Variants in IFNGR2 observed in about 807,000 individuals in gnomAD.
IFNGR2 encodes the protein IFN-gamma receptor 2.
A neutral mutation model predicts 41.1 loss-of-function variants in IFNGR2; 15 were observed. That is an observed-to-expected ratio of 0.37 (90% CI 0.24 to 0.56). The LOEUF (loss-of-function observed/expected upper bound fraction) is 0.56. Among genes scored for constraint, IFNGR2 ranks in the 20% least tolerant of loss-of-function variants. The pLI is 0.81. For missense variants in IFNGR2, 362 were observed against 415.7 expected (o/e 0.87, Z 1.12); for synonymous variants, 161 against 171.6 (o/e 0.94, Z 0.48).
intron 6 of IFNGR2, among the ~76,000 whole-genome samples, chr21:33,435,836 T>C (rs1263340677): frequency 3.3e-5 from 4 of 119,644 alleles, no homozygotes; most frequent in Admixed American, 2.4e-4. Context: ...TGAGCTGAGA[T>C]CCACGCCACT....
intron 3 of IFNGR2, among the ~76,000 whole-genome samples, chr21:33,423,551 C>T (rs551997055): frequency 1.3e-5 from 2 of 151,758 alleles, no homozygotes; most frequent in East Asian, 2.0e-4. Context: ...TACAGGTGCA[C>T]GCCACTATGC....
intron 2 of IFNGR2, among the ~76,000 whole-genome samples, chr21:33,421,165 C>G (rs2083788615): frequency 6.6e-6 from 1 of 152,102 alleles, no homozygotes; most frequent in Non-Finnish European, 1.5e-5. Flanking sequence ...CACCCCATCT[C>G]TACTAAAAAT....
chr21:33,403,482 G>A lies in IFNGR2; in HGVS notation c.-62G>A. ...GGCGGTTTGGGCGGCGACGTGAGCG[G>A]CTCCGCGGACCCCGAGCGGGGCCCC... is the stretch of plus-strand genomic sequence containing the variant. On this transcript the variant is annotated 5_prime_UTR_variant, in exon 1 of 7. Coordinates refer to ENST00000290219, the MANE Select transcript of IFNGR2 (RefSeq NM_005534.4). 9.5e-7 allele frequency: 1 copy of A among 1,047,954 alleles called. No individual in the cohort carries two copies. The highest frequency in any genetic ancestry group is 1.2e-6 in the Non-Finnish European group (1 of 852,682). 64.9% of individuals were successfully genotyped at this position (1,047,954 alleles called of 1,614,324 possible). A position where few individuals can be genotyped will look rare whatever the true frequency, so the allele number is the denominator to read the frequency against.
At chr21:33,404,676 G>A (rs1568948001) in intron 1 of IFNGR2, among the ~76,000 whole-genome samples, 1 of 152,048 alleles carries the variant, frequency 6.6e-6, no homozygotes, top group Non-Finnish European at 1.5e-5. Flanking sequence ...CAATCCACCC[G>A]CCTTGGCCTC....
At chr21:33,409,061 CAGCT>C (rs902950457) in intron 1 of IFNGR2, among the ~76,000 whole-genome samples, 3 of 152,052 alleles carry the variant, frequency 2.0e-5, no homozygotes, top group African/African-American at 7.3e-5. Flanking sequence ...CCTGTAATCC[CAGCT>C]ACTCAGGAGG....
chr21:33,415,249 G>A (rs978079611), intron 2 of IFNGR2, among the ~76,000 whole-genome samples: 8 of 152,126 alleles, frequency 5.3e-5, no homozygotes, highest in South Asian at 2.1e-4. Flanking sequence ...CTAACCACAC[G>A]GGTTCTTGCT....
chr21:33,425,013 G>A (rs1401609861), intron 3 of IFNGR2, among the ~76,000 whole-genome samples: 2 of 152,136 alleles, frequency 1.3e-5, no homozygotes, highest in African/African-American at 2.4e-5. Flanking sequence ...AGGTTCAAGC[G>A]ATTCTCCTGC....
At chr21:33,419,356 C>A (rs2083774767) in intron 2 of IFNGR2, among the ~76,000 whole-genome samples, 1 of 152,160 alleles carries the variant, frequency 6.6e-6, no homozygotes, top group Non-Finnish European at 1.5e-5. Flanking sequence ...GATCTGCCCG[C>A]CTCAGCCTCC....
intron 2 of IFNGR2, among the ~76,000 whole-genome samples, chr21:33,419,425 CT>C (rs377660605): frequency 1.3e-5 from 2 of 151,540 alleles, no homozygotes; most frequent in Non-Finnish European, 2.9e-5. Context: ...TCATTTTAGA[CT>C]TTTTTTTCTA....
In IFNGR2 at chr21:33,436,956, G is replaced by A. The variant is rs121913221; in HGVS notation, c.1008G>A (p.Thr336=). ...AGGAGCAAGAAGATGTTCTCCAAAC[G>A]CTTTGAACCAAAGCATGGGCCTAGC... is the stretch of plus-strand genomic sequence containing the variant. ...PEKEQEDVLQ[T]L is the part of the protein sequence containing the mutation. Residue 336 remains threonine (T), a synonymous_variant, in exon 7 of 7, where the codon ACG becomes ACA. Transcript: ENST00000290219. 81 of 1,613,928 alleles carry A rather than the reference G, an allele frequency of 5.0e-5. 1 individual carries two copies. The Middle Eastern group carries it at 1.5e-3, about 30-fold the overall frequency.
chr21:33,435,238 CCA>C lies in IFNGR2; in HGVS notation c.880-1589_880-1588del, dbSNP rs576967178. On this transcript the variant is annotated intron_variant, in intron 6 of 6. Transcript: ENST00000290219. ...ATGTTAAGGCCTAAGGCCCTCGCTC[CCA>C]GATTCTCTGCTTGCTGTGCGCTGGT... 2.0e-4 allele frequency among the ~76,000 whole-genome samples: 30 copies of C among 152,264 alleles called. No individual in the cohort carries two copies. In the South Asian group the frequency reaches 6.0e-3, roughly 31 times the overall value.
intron 4 of IFNGR2, among the ~76,000 whole-genome samples, chr21:33,430,311 G>GA (rs1237056377): frequency 6.6e-6 from 1 of 152,184 alleles, no homozygotes; most frequent in Non-Finnish European, 1.5e-5. Context: ...AACCCAAAGG[G>GA]AATTTTTGTC....
rs1309443016 is a variant in IFNGR2 at position 33,421,493 on chromosome 21, T to G, written c.220T>G (p.Trp74Gly). The G allele has an allele frequency of 6.2e-7, 1 of 1,613,724 alleles. No homozygotes were observed. The highest frequency in any genetic ancestry group is 8.5e-7 in the Non-Finnish European group (1 of 1,179,784). The stretch of plus-strand genomic sequence containing the variant: ...TTTCCTTCCCAGCACCGACAGTAAA[T>G]GGTTCACGGCCGACATCATGTCCAT... ...QVQFKYTDSK[W>G]FTADIMSIGV... is the part of the protein sequence containing the mutation. The change falls in exon 3 of 7, where the codon TGG becomes GGG. Residue 74 changes from tryptophan (W) to glycine (G), a missense_variant. By Grantham distance (184) the Trp-to-Gly change is radical. Coordinates refer to ENST00000290219, the MANE Select transcript of IFNGR2 (RefSeq NM_005534.4).
chr21:33,431,313 T>C (rs2083884665), intron 4 of IFNGR2, among the ~76,000 whole-genome samples: 1 of 152,120 alleles, frequency 6.6e-6, no homozygotes, highest in Admixed American at 6.5e-5. Flanking sequence ...CTCACGCCTA[T>C]AATCCCAGCA....
At position 33,424,431 on chromosome 21, in the gene IFNGR2, T is replaced by G. The variant is rs375704224; in HGVS notation, c.413-2453T>G. Among the ~76,000 whole-genome samples the G allele has an allele frequency of 1.4e-4, 21 of 152,308 alleles. No homozygotes were observed. The East Asian group carries it at 3.9e-3, about 28-fold the overall frequency. On this transcript the variant is annotated intron_variant, in intron 3 of 6. Coordinates refer to ENST00000290219, the MANE Select transcript of IFNGR2 (RefSeq NM_005534.4). Reference sequence around the variant, plus strand: ...GCTTCCGGCCGGAGTCAAGCACCCATGTTTCTGTTAGTTACTGGCTGGGCT... The same window carrying G: ...GCTTCCGGCCGGAGTCAAGCACCCAGGTTTCTGTTAGTTACTGGCTGGGCT...
chr21:33,432,260 A>G lies in IFNGR2; in HGVS notation c.645A>G (p.Gln215=). 6.2e-7 allele frequency: 1 copy of G among 1,614,016 alleles called. No individual in the cohort carries two copies. The highest frequency in any genetic ancestry group is 8.5e-7 in the Non-Finnish European group (1 of 1,179,830). ...SRVYCLQVQA[Q]LLWNKSNIFR... The stretch of plus-strand genomic sequence containing the variant: ...TGTACTGTTTACAAGTCCAGGCACA[A>G]CTGCTTTGGAACAAAAGTAACATCT... The change falls in exon 5 of 7, where the codon CAA becomes CAG. Residue 215 remains glutamine (Q), a synonymous_variant. Transcript: ENST00000290219.
At chr21:33,410,219 T>C (rs1311225023) in intron 1 of IFNGR2, among the ~76,000 whole-genome samples, 1 of 150,248 alleles carries the variant, frequency 6.7e-6, no homozygotes, top group East Asian at 1.9e-4. Flanking sequence ...CAAGCTGGAG[T>C]GCAGTGGTGC....
intron 4 of IFNGR2, among the ~76,000 whole-genome samples, chr21:33,431,265 T>C (rs1469810404): frequency 6.6e-6 from 1 of 152,194 alleles, no homozygotes; most frequent in Non-Finnish European, 1.5e-5. Context: ...GGTATCTAGA[T>C]TAACCGTGAG....
chr21:33,405,784 A>C (rs1265674383), intron 1 of IFNGR2, among the ~76,000 whole-genome samples: 2 of 152,100 alleles, frequency 1.3e-5, no homozygotes, highest in Non-Finnish European at 2.9e-5. Flanking sequence ...TAATCCCAGC[A>C]CTTTGGGAGG....
Sources: allele counts gnomAD v4.1 joint callset (sites outside exome capture counted in the v4.1 genomes callset), GRCh38; gene constraint gnomAD v4.1.1; transcripts MANE v1.5; gene names NCBI Gene and HGNC (gene_info 2026-07-23, HGNC 2026-07-21).